SORCS2: variants seen among roughly 807,000 people sequenced by gnomAD.
SORCS2 encodes the protein VPS10 domain-containing receptor SorCS2.
Under a neutral mutation model 141.6 loss-of-function variants are expected in SORCS2, and 100 were observed. The ratio of observed to expected loss-of-function variants is 0.71; its 90% CI spans 0.60 to 0.83. The LOEUF is 0.83. Among genes scored for constraint, SORCS2 ranks in the 40% least tolerant of loss-of-function variants. The pLI, the probability that SORCS2 is intolerant of heterozygous loss-of-function variation, is 0.00. For missense variants in SORCS2, 1,646 were observed against 1,560.2 expected (o/e 1.05, Z -0.93); for synonymous variants, 789 against 676.9 (o/e 1.17, Z -2.57).
At position 7,651,297 on chromosome 4, in the gene SORCS2, G is replaced by C. The variant is rs927375592; in HGVS notation, c.814-2837G>C. 5.9e-5 allele frequency among the ~76,000 whole-genome samples: 9 copies of C among 152,326 alleles called. No individual in the cohort carries two copies. The East Asian group carries it at 1.7e-3, about 29-fold the overall frequency. On this transcript the variant is annotated intron_variant, in intron 4 of 26. Coordinates refer to ENST00000507866, the MANE Select transcript of SORCS2 (RefSeq NM_020777.3). ...TCGGGTTGAATCATCCCGACCTTCTGAGTGAGGATGAGGATTGTCAGCCCA... is the reference window on the plus strand; with the variant it reads ...TCGGGTTGAATCATCCCGACCTTCTCAGTGAGGATGAGGATTGTCAGCCCA...
intron 5 of SORCS2, among the ~76,000 whole-genome samples, chr4:7,658,985 GC>G (rs756371859): frequency 6.6e-6 from 1 of 152,216 alleles, no homozygotes; most frequent in Non-Finnish European, 1.5e-5. Context: ...GGCTCAGTTT[GC>G]TCTTGGGCAG....
intron 3 of SORCS2, among the ~76,000 whole-genome samples, chr4:7,544,580 G>A (rs537020042): frequency 6.6e-5 from 10 of 152,366 alleles, no homozygotes; most frequent in African/African-American, 1.7e-4. Context: ...GCTCTCAGGG[G>A]ATGCTTCCTC....
intron 1 of SORCS2, among the ~76,000 whole-genome samples, chr4:7,348,999 C>G (rs1327759357): frequency 6.6e-6 from 1 of 152,180 alleles, no homozygotes; most frequent in South Asian, 2.1e-4. Flanking sequence ...ACAGAGACAC[C>G]CCTTCCCCCC....
At chr4:7,325,016 C>T (rs778042596) in intron 1 of SORCS2, among the ~76,000 whole-genome samples, 17 of 152,190 alleles carry the variant, frequency 1.1e-4, no homozygotes, top group Non-Finnish European at 2.4e-4. Flanking sequence ...GGGCAGAAGG[C>T]AGTGGGGATG....
intron 2 of SORCS2, among the ~76,000 whole-genome samples, chr4:7,441,073 A>T (rs1405261671): frequency 1.3e-5 from 2 of 151,998 alleles, no homozygotes; most frequent in East Asian, 3.9e-4. Context: ...CAGCACTGGG[A>T]TGAAGTGGGT....
chr4:7,201,005 T>C lies in SORCS2; in HGVS notation c.480+7879T>C, dbSNP rs911704917. On this transcript the variant is annotated intron_variant, in intron 1 of 26. Transcript: ENST00000507866. The surrounding 1 kb of genome is among the most constrained non-coding windows in gnomAD (Gnocchi z 4.4). The stretch of plus-strand genomic sequence containing the variant: ...GCCTAGCGCTGTTAGCTGCTGAGGA[T>C]TCAGTGAGGGGCCAAGTCAAACTTG... 2.0e-5 allele frequency among the ~76,000 whole-genome samples: 3 copies of C among 152,178 alleles called. No individual in the cohort carries two copies. Among genetic ancestry groups the C allele is most frequent in the Non-Finnish European group, 4.4e-5 (3 of 68,028 alleles).
At chr4:7,425,789 G>A (rs35962072) in intron 2 of SORCS2, among the ~76,000 whole-genome samples, 24,307 of 152,236 alleles carry the variant, frequency 0.16, 2,181 homozygotes, top group East Asian at 0.42. Context: ...TCCCCACCTC[G>A]CTGGAGAAAC....
intron 2 of SORCS2, among the ~76,000 whole-genome samples, chr4:7,497,032 A>G (rs1731674253): frequency 6.6e-6 from 1 of 152,202 alleles, no homozygotes; most frequent in South Asian, 2.1e-4. Context: ...ATTGACTCCA[A>G]ACAATAGTGT....
At chr4:7,421,917 G>A (rs535424010) in intron 2 of SORCS2, among the ~76,000 whole-genome samples, 1,608 of 151,898 alleles carry the variant, frequency 0.011, 7 homozygotes, top group Middle Eastern at 0.028. Flanking sequence ...GGGCTGGGGC[G>A]GGGCTGGGCA....
chr4:7,671,169 T>A (rs181153332), intron 8 of SORCS2, among the ~76,000 whole-genome samples: 4,774 of 129,878 alleles, frequency 0.037, 131 homozygotes, highest in Non-Finnish European at 0.05. Flanking sequence ...CCAACAACCA[T>A]CAAAAAATAA....
intron 1 of SORCS2, among the ~76,000 whole-genome samples, chr4:7,389,481 G>A (rs1274406067): frequency 1.3e-5 from 2 of 152,152 alleles, no homozygotes; most frequent in Admixed American, 1.3e-4. Flanking sequence ...CAGATGGGGC[G>A]GGGGTGAGGA....
intron 1 of SORCS2, among the ~76,000 whole-genome samples, chr4:7,342,510 A>G (rs939049684): frequency 3.9e-5 from 6 of 151,960 alleles, no homozygotes; most frequent in African/African-American, 1.5e-4. Context: ...TCAGGGCTGG[A>G]GGGGCCTCTG....
chr4:7,705,230 C>A (rs751943604), intron 14 of SORCS2, among the ~76,000 whole-genome samples: 7 of 152,076 alleles, frequency 4.6e-5, no homozygotes, highest in Non-Finnish European at 8.8e-5. Flanking sequence ...CCCAGGAACA[C>A]CCAGGGCCCC....
chr4:7,419,031 G>T (rs1031993906), intron 2 of SORCS2, among the ~76,000 whole-genome samples: 2 of 152,212 alleles, frequency 1.3e-5, no homozygotes, highest in Non-Finnish European at 2.9e-5. Context: ...TGGAAGTCAC[G>T]TAAGATCACT....
intron 3 of SORCS2, among the ~76,000 whole-genome samples, chr4:7,636,402 T>TGAAG (rs767713820): frequency 7.2e-5 from 11 of 152,236 alleles, no homozygotes; most frequent in African/African-American, 2.4e-4. Context: ...AATGAATTAA[T>TGAAG]GAAGGAACGA....
At chr4:7,685,801 C>T (rs974416906) in intron 10 of SORCS2, among the ~76,000 whole-genome samples, 5 of 152,196 alleles carry the variant, frequency 3.3e-5, no homozygotes, top group African/African-American at 1.2e-4. Flanking sequence ...GGGCCACTCA[C>T]AGCACCTCCT....
chr4:7,289,599 G>T (rs1006977150), intron 1 of SORCS2, among the ~76,000 whole-genome samples: 2 of 152,188 alleles, frequency 1.3e-5, no homozygotes, highest in African/African-American at 2.4e-5. Flanking sequence ...CACAGAGACC[G>T]AGCTGCAGTT....
At chr4:7,406,522 A>C (rs1007215660) in intron 2 of SORCS2, among the ~76,000 whole-genome samples, 1 of 151,628 alleles carries the variant, frequency 6.6e-6, no homozygotes, top group Non-Finnish European at 1.5e-5. Flanking sequence ...GTTTGTTGGC[A>C]TATAGTTGTT....
chr4:7,299,755 C>T (rs927841792), intron 1 of SORCS2, among the ~76,000 whole-genome samples: 2 of 152,184 alleles, frequency 1.3e-5, no homozygotes, highest in Admixed American at 6.5e-5. Context: ...TCCTGGGGCC[C>T]GCTGCCTGCG....
Sources: allele counts gnomAD v4.1 joint callset (sites outside exome capture counted in the v4.1 genomes callset), GRCh38; gene constraint gnomAD v4.1.1; non-coding constraint Gnocchi (gnomAD v3.1); transcripts MANE v1.5; gene names NCBI Gene and HGNC (gene_info 2026-07-23, HGNC 2026-07-21).